The following SGCG variants were observed in gnomAD, a reference collection of about 807,000 sequenced individuals.
The protein encoded by SGCG is gamma-sarcoglycan.
In SGCG, 26 loss-of-function variants were observed where a neutral mutation model predicts 29.3. The ratio of observed to expected loss-of-function variants is 0.89; its 90% CI spans 0.65 to 1.23. The LOEUF is 1.23. Ranked by LOEUF, SGCG falls within the 50% of genes most tolerant of loss-of-function variation. The pLI is 0.00. For synonymous variants in SGCG, 145 were observed against 129.7 expected (o/e 1.12, Z -0.80); for missense variants, 353 against 356.0 (o/e 0.99, Z 0.07).
chr13:23,266,139 G>A (rs1880630688), intron 4 of SGCG, among the ~76,000 whole-genome samples: 1 of 152,000 alleles, frequency 6.6e-6, no homozygotes, highest in African/African-American at 2.4e-5. Context: ...AGGTATGGTG[G>A]CAGGCGCCTG....
At chr13:23,202,373 T>C (rs1877801752) in intron 1 of SGCG, among the ~76,000 whole-genome samples, 1 of 152,156 alleles carries the variant, frequency 6.6e-6, no homozygotes, top group South Asian at 2.1e-4. Flanking sequence ...GCATTCAGAG[T>C]AACCTAAACT....
chr13:23,228,566 G>A (rs1240376527), intron 2 of SGCG, among the ~76,000 whole-genome samples: 1 of 152,104 alleles, frequency 6.6e-6, no homozygotes, highest in African/African-American at 2.4e-5. Flanking sequence ...ACTAAGCACA[G>A]TACCTGATAG....
chr13:23,309,287 T>A (rs980636957), intron 6 of SGCG, among the ~76,000 whole-genome samples: 8 of 152,090 alleles, frequency 5.3e-5, no homozygotes, highest in Admixed American at 4.6e-4. Flanking sequence ...TGGGGTCTTG[T>A]TATATTGTCC....
intron 2 of SGCG, among the ~76,000 whole-genome samples, chr13:23,232,905 T>C (rs1056719485): frequency 6.6e-6 from 1 of 152,212 alleles, no homozygotes; most frequent in Non-Finnish European, 1.5e-5. Context: ...ATGGCTGCTA[T>C]CAAACAGAAA....
At chr13:23,305,452 T>A (rs978190421) in intron 6 of SGCG, among the ~76,000 whole-genome samples, 1 of 152,238 alleles carries the variant, frequency 6.6e-6, no homozygotes, top group African/African-American at 2.4e-5. Context: ...CCAAGTATAC[T>A]ATCAGATCAT....
At chr13:23,229,482 A>T (rs550450309) in intron 2 of SGCG, among the ~76,000 whole-genome samples, 2 of 152,274 alleles carry the variant, frequency 1.3e-5, no homozygotes, top group South Asian at 4.1e-4. Context: ...TCACTTTTTA[A>T]TAATACCCAT....
At chr13:23,256,104 C>T (rs888165024) in intron 4 of SGCG, among the ~76,000 whole-genome samples, 1 of 152,040 alleles carries the variant, frequency 6.6e-6, no homozygotes, top group African/African-American at 2.4e-5. Flanking sequence ...AAAGTCATAT[C>T]CTCAAGGTGC....
At chr13:23,271,193 T>TA in intron 4 of SGCG, among the ~76,000 whole-genome samples, 1 of 152,220 alleles carries the variant, frequency 6.6e-6, no homozygotes, top group Middle Eastern at 3.4e-3. Flanking sequence ...ACCTGTGTGA[T>TA]AGAGTGAGAC....
At chr13:23,220,614 T>C (rs1282647711) in intron 2 of SGCG, among the ~76,000 whole-genome samples, 1 of 152,162 alleles carries the variant, frequency 6.6e-6, no homozygotes, top group Non-Finnish European at 1.5e-5. Flanking sequence ...AATAAATAAA[T>C]TGACAAATTT....
intron 2 of SGCG, among the ~76,000 whole-genome samples, chr13:23,230,241 T>C (rs1879058913): frequency 6.6e-6 from 1 of 152,244 alleles, no homozygotes; most frequent in Admixed American, 6.5e-5. Context: ...CTCCTTTTGC[T>C]TAGGATTGTC....
At chr13:23,252,559 C>T (rs555829486) in intron 4 of SGCG, among the ~76,000 whole-genome samples, 82 of 152,104 alleles carry the variant, frequency 5.4e-4, no homozygotes, top group East Asian at 3.9e-4. Context: ...GGCGTGGTGG[C>T]GGTCGCCTGT....
chr13:23,307,865 C>G (rs777665148), intron 6 of SGCG, among the ~76,000 whole-genome samples: 1 of 152,040 alleles, frequency 6.6e-6, no homozygotes, highest in African/African-American at 2.4e-5. Flanking sequence ...TACATATAGA[C>G]AGTAGTATCT....
At chr13:23,291,690 A>AAT (rs1881711474) in intron 5 of SGCG, among the ~76,000 whole-genome samples, 5 of 152,350 alleles carry the variant, frequency 3.3e-5, no homozygotes, top group Middle Eastern at 3.4e-3. Context: ...ATGTCAATAT[A>AAT]ATATCACTAA....
rs1282139411 is a variant in SGCG, at chr13:23,299,449, TATATA to T, written c.578+3963_578+3967del. Among the ~76,000 whole-genome samples, 11 of 35,474 alleles carry T rather than the reference TATATA, an allele frequency of 3.1e-4. 1 individual carries two copies. Among genetic ancestry groups the T allele is most frequent in the Non-Finnish European group, 5.0e-4 (8 of 16,060 alleles). The allele number at this position is 35,474 out of a possible 152,430, so 23.3% of individuals were successfully genotyped here. On this transcript the variant is annotated intron_variant, in intron 6 of 7. Coordinates refer to ENST00000218867, the MANE Select transcript of SGCG (RefSeq NM_000231.3). ...ATATATATATATATATATATATATA[TATATA>T]TATTTTTTTTTTTTTTTTAGTCGGA... is the stretch of plus-strand genomic sequence containing the variant.
At chr13:23,253,801 G>A (rs796350969) in intron 4 of SGCG, among the ~76,000 whole-genome samples, 1 of 152,160 alleles carries the variant, frequency 6.6e-6, no homozygotes, top group African/African-American at 2.4e-5. Flanking sequence ...TGAAGAGTGG[G>A]TTATCACTCC....
At chr13:23,260,227 C>T (rs1214748789) in intron 4 of SGCG, among the ~76,000 whole-genome samples, 3 of 152,076 alleles carry the variant, frequency 2.0e-5, no homozygotes, top group Admixed American at 6.6e-5. Flanking sequence ...TCTGGGTGCT[C>T]CTGTATTGGG....
Position 23,302,524 on chromosome 13 carries a change from C to T in SGCG, c.578+7037C>T, listed in dbSNP as rs149778755. ...AGGAGAGAATTTCAGATGTTCCCAACATAAAGAAATCATAAATGCTTGAAG... is the reference window on the plus strand; with the variant it reads ...AGGAGAGAATTTCAGATGTTCCCAATATAAAGAAATCATAAATGCTTGAAG... On this transcript the variant is annotated intron_variant, in intron 6 of 7. Transcript: ENST00000218867. 4.6e-5 allele frequency among the ~76,000 whole-genome samples: 7 copies of T among 152,042 alleles called. No individual in the cohort carries two copies. The East Asian group carries it at 1.3e-3, about 29-fold the overall frequency.
chr13:23,204,181 G>A (rs1223548820), intron 2 of SGCG, among the ~76,000 whole-genome samples: 1 of 151,934 alleles, frequency 6.6e-6, no homozygotes, highest in Non-Finnish European at 1.5e-5. Flanking sequence ...GATTGAGTCA[G>A]GATTATTTGC....
At chr13:23,185,723 G>GGGCC (rs955600051) in intron 1 of SGCG, among the ~76,000 whole-genome samples, 2 of 152,204 alleles carry the variant, frequency 1.3e-5, no homozygotes, top group African/African-American at 4.8e-5. Flanking sequence ...ATCCAGAGAG[G>GGGCC]GGCCGGGCTT....
Sources: allele counts gnomAD v4.1 joint callset (sites outside exome capture counted in the v4.1 genomes callset), GRCh38; gene constraint gnomAD v4.1.1; transcripts MANE v1.5; gene names NCBI Gene and HGNC (gene_info 2026-07-23, HGNC 2026-07-21).